RIT2: variants seen among roughly 807,000 people sequenced by gnomAD.
RIT2 encodes the protein Ras like without CAAX 2.
Under a neutral mutation model 23.7 loss-of-function variants are expected in RIT2, and 24 were observed. That is an observed-to-expected ratio of 1.01 (90% CI 0.73 to 1.43). The LOEUF (loss-of-function observed/expected upper bound fraction) is 1.43. RIT2 is among the 40% of genes most tolerant of loss of function. The pLI, the probability that RIT2 is intolerant of heterozygous loss-of-function variation, is 0.00. For missense variants in RIT2, 236 were observed against 266.9 expected (o/e 0.88, Z 0.81); for synonymous variants, 107 against 91.1 (o/e 1.17, Z -0.99).
chr18:43,051,138 G>C (rs1456551450), intron 1 of RIT2, among the ~76,000 whole-genome samples: 1 of 152,006 alleles, frequency 6.6e-6, no homozygotes, highest in African/African-American at 2.4e-5. Flanking sequence ...TCTCCAAGTA[G>C]ATAGTGTCCC....
intron 4 of RIT2, among the ~76,000 whole-genome samples, chr18:42,857,671 T>C (rs569119778): frequency 1.3e-5 from 2 of 152,290 alleles, no homozygotes; most frequent in Admixed American, 1.3e-4. Context: ...AAGTAAGAAT[T>C]GTACAATGAA....
rs1287802568 is a variant in RIT2 at position 42,916,909 on chromosome 18, G to A, written c.426+6663C>T. Among the ~76,000 whole-genome samples, 2 of 152,234 alleles carry A rather than the reference G, an allele frequency of 1.3e-5. 1 individual carries two copies. The highest frequency in any genetic ancestry group is 4.1e-4 in the South Asian group (2 of 4,826). On this transcript the variant is annotated intron_variant, in intron 4 of 4. Transcript: ENST00000326695. ...GGTTGAGCAGAGGGAGAAGTTGAAC[G>A]TTAATGCAAACCCAACAGAGTCTTT...
At chr18:42,792,141 C>A (rs1477728084) in intron 4 of RIT2, among the ~76,000 whole-genome samples, 1 of 152,074 alleles carries the variant, frequency 6.6e-6, no homozygotes, top group Admixed American at 6.5e-5. Flanking sequence ...TATATTTAAC[C>A]TTGGTTCCAA....
chr18:42,753,031 A>G (rs553276685), intron 4 of RIT2, among the ~76,000 whole-genome samples: 2 of 152,246 alleles, frequency 1.3e-5, no homozygotes, highest in African/African-American at 4.8e-5. Context: ...TATGCCAGGT[A>G]CTCCCTGAAA....
intron 4 of RIT2, among the ~76,000 whole-genome samples, chr18:42,771,246 A>G (rs1031159326): frequency 5.9e-5 from 9 of 152,098 alleles, no homozygotes; most frequent in African/African-American, 2.2e-4. Flanking sequence ...TATTATCAAG[A>G]CAGGTATGAA....
intron 4 of RIT2, among the ~76,000 whole-genome samples, chr18:42,868,712 C>T (rs1477357170): frequency 2.0e-5 from 3 of 152,136 alleles, no homozygotes; most frequent in Non-Finnish European, 2.9e-5. Context: ...AGAATGTGTA[C>T]AGGGAAGGTT....
Position 43,090,623 on chromosome 18 carries a change from C to T in RIT2, c.103+24794G>A, listed in dbSNP as rs79003363. On this transcript the variant is annotated intron_variant, in intron 1 of 4. Coordinates refer to ENST00000326695, the MANE Select transcript of RIT2 (RefSeq NM_002930.4). ...ATCAAAAACATATCAATCTAAATGT[C>T]CAATAACGGTAGACTGGATAAAGAG... Among the ~76,000 whole-genome samples the T allele has an allele frequency of 6.0e-3, 908 of 152,112 alleles. 5 individuals are homozygous for T. The highest frequency in any genetic ancestry group is 0.01 in the Non-Finnish European group (713 of 67,994).
At chr18:42,818,858 T>A (rs895443384) in intron 4 of RIT2, among the ~76,000 whole-genome samples, 1 of 151,936 alleles carries the variant, frequency 6.6e-6, no homozygotes, top group Admixed American at 6.6e-5. Flanking sequence ...TTGATCTAGG[T>A]AGAAAGAATT....
At chr18:43,058,744 C>T (rs1912569080) in intron 1 of RIT2, among the ~76,000 whole-genome samples, 1 of 151,832 alleles carries the variant, frequency 6.6e-6, no homozygotes, top group South Asian at 2.1e-4. Flanking sequence ...CAAAAATTAC[C>T]CAGGCATGGT....
At chr18:42,794,190 C>A (rs1187629072) in intron 4 of RIT2, among the ~76,000 whole-genome samples, 1 of 152,120 alleles carries the variant, frequency 6.6e-6, no homozygotes, top group Non-Finnish European at 1.5e-5. Flanking sequence ...GAGTGCCCTG[C>A]AGGGTGCTAG....
chr18:42,946,560 T>C (rs1165190150), intron 3 of RIT2, among the ~76,000 whole-genome samples: 1 of 151,902 alleles, frequency 6.6e-6, no homozygotes, highest in Non-Finnish European at 1.5e-5. Flanking sequence ...GGGTAAGGAG[T>C]AATTTCTTAT....
chr18:43,036,450 G>A (rs752582051), intron 1 of RIT2, among the ~76,000 whole-genome samples: 21 of 152,268 alleles, frequency 1.4e-4, no homozygotes, highest in Middle Eastern at 3.4e-3. Context: ...TGAGGCAGGA[G>A]AATCACTTGA....
intron 1 of RIT2, among the ~76,000 whole-genome samples, chr18:43,052,462 C>T (rs1912406102): frequency 6.6e-6 from 1 of 152,050 alleles, no homozygotes; most frequent in African/African-American, 2.4e-5. Flanking sequence ...TTGAATACTT[C>T]ACGGGCTTTA....
intron 3 of RIT2, among the ~76,000 whole-genome samples, chr18:42,928,877 T>G (rs1417174680): frequency 1.3e-5 from 2 of 151,588 alleles, no homozygotes; most frequent in Non-Finnish European, 2.9e-5. Flanking sequence ...TGTTTTTTGG[T>G]ATTTGACACA....
At chr18:43,038,001 G>A (rs972683527) in intron 1 of RIT2, among the ~76,000 whole-genome samples, 1 of 151,898 alleles carries the variant, frequency 6.6e-6, no homozygotes, top group Non-Finnish European at 1.5e-5. Context: ...TCAGGAGATC[G>A]AGACCATCCT....
intron 4 of RIT2, among the ~76,000 whole-genome samples, chr18:42,798,430 A>G (rs975341166): frequency 1.3e-5 from 2 of 152,230 alleles, no homozygotes; most frequent in African/African-American, 4.8e-5. Context: ...GATTATGTAT[A>G]TTTGATGAAA....
chr18:43,074,862 C>T (rs1322506495), intron 1 of RIT2, among the ~76,000 whole-genome samples: 1 of 152,118 alleles, frequency 6.6e-6, no homozygotes, highest in Middle Eastern at 3.2e-3. Flanking sequence ...CACATGGATG[C>T]AGGGAGGGGA....
At chr18:42,815,702 A>C (rs376179871) in intron 4 of RIT2, among the ~76,000 whole-genome samples, 3 of 152,182 alleles carry the variant, frequency 2.0e-5, no homozygotes, top group South Asian at 4.1e-4. Flanking sequence ...TGAATGTAGA[A>C]ATTAATATAG....
intron 1 of RIT2, among the ~76,000 whole-genome samples, chr18:43,112,922 T>A (rs988095121): frequency 6.6e-6 from 1 of 152,082 alleles, no homozygotes; most frequent in Admixed American, 6.6e-5. Context: ...GAAGAGCAGA[T>A]CTCTTCTGGA....
Sources: gnomAD v4.1 joint callset for allele counts (sites outside exome capture counted in the v4.1 genomes callset) on GRCh38, gnomAD v4.1.1 for gene constraint, MANE v1.5 for transcripts, NCBI Gene and HGNC (gene_info 2026-07-23, HGNC 2026-07-21) for gene names.